Variants in COL5A2 observed in about 807,000 individuals in gnomAD.
COL5A2 encodes the protein collagen alpha-2(V) chain.
In COL5A2, 23 loss-of-function variants were observed where a neutral mutation model predicts 208.2. The ratio of observed to expected loss-of-function variants is 0.11; its 90% CI spans 0.08 to 0.16. The LOEUF (loss-of-function observed/expected upper bound fraction) is 0.16. Among genes scored for constraint, COL5A2 ranks in the 10% least tolerant of loss-of-function variants. COL5A2 has a pLI of 1.00. For missense variants in COL5A2, 1,590 were observed against 1,956.4 expected (o/e 0.81, Z 3.53); for synonymous variants, 625 against 628.5 (o/e 0.99, Z 0.08).
At chr2:189,328,637 C>T in the COL5A2 span, among the ~76,000 whole-genome samples, 2 of 152,182 alleles carry the variant, frequency 1.3e-5, no homozygotes, top group Admixed American at 1.3e-4. Flanking sequence ...GTAGCAGCTG[C>T]CAAAACATCT....
At position 189,045,178 on chromosome 2, in the gene COL5A2, C is replaced by A; in HGVS notation, c.3363+1G>T. On this transcript the variant is annotated splice_donor_variant, in intron 47 of 53. Coordinates refer to ENST00000374866, the MANE Select transcript of COL5A2 (RefSeq NM_000393.5). LOFTEE classifies it high-confidence loss of function. ...TTAAAAAACAAAAAAAGAGAACTTA[C>A]AGGTAATCCACGTTTCCCAGCTCGA... The A allele has an allele frequency of 6.3e-7, 1 of 1,599,926 alleles. No individual in the cohort carries two copies. The highest frequency in any genetic ancestry group is 8.5e-7 in the Non-Finnish European group (1 of 1,173,064).
At chr2:189,294,692 A>C in the COL5A2 span, among the ~76,000 whole-genome samples, 99 of 152,362 alleles carry the variant, frequency 6.5e-4, no homozygotes, top group African/African-American at 2.3e-3. Context: ...AGAAGAGCTA[A>C]AGCTATATTG....
the COL5A2 span, among the ~76,000 whole-genome samples, chr2:189,319,233 C>T: frequency 5.9e-5 from 9 of 152,106 alleles, no homozygotes; most frequent in Admixed American, 2.6e-4. Flanking sequence ...CAGCTCCCAG[C>T]GTGAGCGGCG....
the COL5A2 span, among the ~76,000 whole-genome samples, chr2:189,402,986 T>C: frequency 6.6e-5 from 10 of 152,228 alleles, no homozygotes; most frequent in Admixed American, 5.9e-4. Flanking sequence ...ACTGAATCTA[T>C]AAACTGCTTT....
At chr2:189,437,221 C>A in the COL5A2 span, among the ~76,000 whole-genome samples, 1 of 152,142 alleles carries the variant, frequency 6.6e-6, no homozygotes, top group Admixed American at 6.5e-5. Context: ...AAGCATCAAG[C>A]ACGTGGCTGG....
the COL5A2 span, among the ~76,000 whole-genome samples, chr2:189,402,867 T>C: frequency 6.6e-6 from 1 of 152,190 alleles, no homozygotes; most frequent in Non-Finnish European, 1.5e-5. Context: ...TCTTTCTTTT[T>C]GCTTAGGATT....
the COL5A2 span, among the ~76,000 whole-genome samples, chr2:189,261,144 T>G: frequency 6.6e-6 from 1 of 152,122 alleles, no homozygotes; most frequent in African/African-American, 2.4e-5. Flanking sequence ...TAACTCACAA[T>G]CAATATAATC....
the COL5A2 span, among the ~76,000 whole-genome samples, chr2:189,358,823 T>C: frequency 6.6e-6 from 1 of 151,960 alleles, no homozygotes; most frequent in African/African-American, 2.4e-5. Flanking sequence ...TAGGTACTTT[T>C]TGTAGCTATT....
the COL5A2 span, among the ~76,000 whole-genome samples, chr2:189,332,800 G>C: frequency 6.6e-6 from 1 of 152,170 alleles, no homozygotes. Context: ...CGTACCAGTA[G>C]AGTGGGGCCC....
chr2:189,431,621 T>C, the COL5A2 span, among the ~76,000 whole-genome samples: 4 of 151,784 alleles, frequency 2.6e-5, no homozygotes, highest in African/African-American at 7.3e-5. Context: ...ATTAATGAAA[T>C]AAAGCGAGAA....
chr2:189,301,345 A>T, the COL5A2 span, among the ~76,000 whole-genome samples: 22,838 of 152,202 alleles, frequency 0.15, 2,017 homozygotes, highest in South Asian at 0.21. Context: ...CAATTCACTT[A>T]AACCACTTAA....
the COL5A2 span, among the ~76,000 whole-genome samples, chr2:189,285,701 T>C: frequency 6.6e-6 from 1 of 152,168 alleles, no homozygotes; most frequent in South Asian, 2.1e-4. Flanking sequence ...TTCTGACTGA[T>C]AAAAGTGGTC....
chr2:189,138,237 G>C (rs1687863374), intron 1 of COL5A2, among the ~76,000 whole-genome samples: 1 of 152,082 alleles, frequency 6.6e-6, no homozygotes, highest in Admixed American at 6.5e-5. Context: ...GCCTCCCAAA[G>C]TGCTGGGATT....
intron 1 of COL5A2, among the ~76,000 whole-genome samples, chr2:189,136,962 A>G (rs1318250423): frequency 6.6e-6 from 1 of 152,188 alleles, no homozygotes; most frequent in African/African-American, 2.4e-5. Flanking sequence ...GTCTGATAAT[A>G]TTCATCATTT....
At chr2:189,404,834 G>A in the COL5A2 span, among the ~76,000 whole-genome samples, 1 of 152,180 alleles carries the variant, frequency 6.6e-6, no homozygotes, top group Non-Finnish European at 1.5e-5. Context: ...GCATGTATGA[G>A]TGGTTCAGCA....
At chr2:189,071,733 A>G (rs891289395) in intron 18 of COL5A2, among the ~76,000 whole-genome samples, 6 of 152,286 alleles carry the variant, frequency 3.9e-5, no homozygotes, top group African/African-American at 1.4e-4. Flanking sequence ...TAGAGTTCCT[A>G]TTCAGTTTAA....
At chr2:189,150,013 ATCTC>A (rs1688114279) in intron 1 of COL5A2, among the ~76,000 whole-genome samples, 1 of 152,162 alleles carries the variant, frequency 6.6e-6, no homozygotes. Flanking sequence ...GGGCTTTAAA[ATCTC>A]TCTGTGAAGT....
At chr2:189,167,933 T>C (rs1171596033) in intron 1 of COL5A2, among the ~76,000 whole-genome samples, 1 of 144,876 alleles carries the variant, frequency 6.9e-6, no homozygotes, top group East Asian at 2.1e-4. Context: ...TTTTTCCCAG[T>C]ACAAACTCCT....
intron 1 of COL5A2, among the ~76,000 whole-genome samples, chr2:189,161,602 T>A (rs868020055): frequency 6.6e-6 from 1 of 152,182 alleles, no homozygotes; most frequent in Non-Finnish European, 1.5e-5. Context: ...TAGACAGCAA[T>A]CTAACAACAG....
Sources: gnomAD v4.1 joint callset for allele counts (sites outside exome capture counted in the v4.1 genomes callset) on GRCh38, gnomAD v4.1.1 for gene constraint, MANE v1.5 for transcripts, NCBI Gene and HGNC (gene_info 2026-07-23, HGNC 2026-07-21) for gene names.